Variants in TRAPPC9 observed in about 807,000 individuals in gnomAD.
TRAPPC9 encodes trafficking protein particle complex subunit 9.
TRAPPC9 carries 83 observed loss-of-function variants against 124.0 expected under a neutral mutation model. The observed-to-expected ratio is 0.67, with a 90% CI of 0.56 to 0.80. The LOEUF (loss-of-function observed/expected upper bound fraction) is 0.80, where lower values mean the gene tolerates loss of function less well. Among genes scored for constraint, TRAPPC9 ranks in the 30% least tolerant of loss-of-function variants. TRAPPC9 has a pLI of 0.00. For missense variants in TRAPPC9, 1,302 were observed against 1,508.3 expected (o/e 0.86, Z 2.27); for synonymous variants, 638 against 617.5 (o/e 1.03, Z -0.49).
At chr8:139,974,312 A>C (rs879937746) in intron 19 of TRAPPC9, among the ~76,000 whole-genome samples, 2 of 152,220 alleles carry the variant, frequency 1.3e-5, no homozygotes, top group African/African-American at 2.4e-5. Context: ...GTGGATGTAC[A>C]GTCTCCCAGG....
intron 9 of TRAPPC9, among the ~76,000 whole-genome samples, chr8:140,350,901 A>G (rs76559556): frequency 1.3e-5 from 2 of 151,982 alleles, no homozygotes; most frequent in African/African-American, 4.8e-5. Context: ...TTTGCAATTT[A>G]AACAGTAACT....
At chr8:140,181,015 C>T (rs562053428) in intron 17 of TRAPPC9, among the ~76,000 whole-genome samples, 2 of 152,184 alleles carry the variant, frequency 1.3e-5, no homozygotes, top group African/African-American at 4.8e-5. Flanking sequence ...GTTGCCATCT[C>T]TTTGAATATT....
chr8:140,025,229 G>A (rs569992516), intron 17 of TRAPPC9, among the ~76,000 whole-genome samples: 1 of 152,330 alleles, frequency 6.6e-6, no homozygotes, highest in African/African-American at 2.4e-5. Context: ...CCTCCGGACT[G>A]AAGGACCCTG....
At chr8:140,243,582 G>A (rs1481565502) in intron 16 of TRAPPC9, among the ~76,000 whole-genome samples, 1 of 152,140 alleles carries the variant, frequency 6.6e-6, no homozygotes, top group Admixed American at 6.5e-5. Flanking sequence ...GATAAAATGG[G>A]CACTACTCAC....
At chr8:139,940,894 G>T (rs1321732344) in intron 19 of TRAPPC9, among the ~76,000 whole-genome samples, 1 of 152,246 alleles carries the variant, frequency 6.6e-6, no homozygotes, top group Non-Finnish European at 1.5e-5. Context: ...GGGTGAAGGG[G>T]AGCTGGGGAA....
intron 8 of TRAPPC9, among the ~76,000 whole-genome samples, chr8:140,370,178 C>T (rs768970089): frequency 2.0e-5 from 3 of 150,926 alleles, no homozygotes; most frequent in Non-Finnish European, 3.0e-5. Context: ...CTTTCTCTGT[C>T]GCCCAGGCTG....
chr8:140,295,562 C>A (rs2065782305), intron 11 of TRAPPC9, among the ~76,000 whole-genome samples: 2 of 152,218 alleles, frequency 1.3e-5, no homozygotes, highest in African/African-American at 4.8e-5. Flanking sequence ...CACACTCAAG[C>A]TGAGGCCAGT....
intron 9 of TRAPPC9, among the ~76,000 whole-genome samples, chr8:140,332,904 G>C (rs369173684): frequency 6.6e-5 from 10 of 152,268 alleles, no homozygotes; most frequent in African/African-American, 2.4e-4. Flanking sequence ...GGGAGGCCAG[G>C]TGGGAGGATC....
At chr8:140,361,569 CTATTAA>C (rs1588216103) in intron 8 of TRAPPC9, among the ~76,000 whole-genome samples, 2 of 152,216 alleles carry the variant, frequency 1.3e-5, no homozygotes, top group Non-Finnish European at 2.9e-5. Context: ...ATGCTAGTTG[CTATTAA>C]TATTATTATT....
At chr8:140,172,871 A>G (rs543216093) in intron 17 of TRAPPC9, among the ~76,000 whole-genome samples, 42 of 152,332 alleles carry the variant, frequency 2.8e-4, no homozygotes, top group African/African-American at 9.4e-4. Flanking sequence ...CCAAGTGCTC[A>G]GGTCCAATTA....
intron 21 of TRAPPC9, among the ~76,000 whole-genome samples, chr8:139,766,665 C>T (rs1563798268): frequency 6.6e-6 from 1 of 152,182 alleles, no homozygotes; most frequent in African/African-American, 2.4e-5. Context: ...GACTCAGCAG[C>T]CCTTCCATGC....
At chr8:139,967,203 G>A (rs890965739) in intron 19 of TRAPPC9, among the ~76,000 whole-genome samples, 1 of 152,148 alleles carries the variant, frequency 6.6e-6, no homozygotes, top group Non-Finnish European at 1.5e-5. Context: ...GAATGCTCAT[G>A]AGCAATTCTT....
intron 11 of TRAPPC9, among the ~76,000 whole-genome samples, chr8:140,298,382 G>C (rs1399594983): frequency 6.6e-6 from 1 of 152,228 alleles, no homozygotes; most frequent in Non-Finnish European, 1.5e-5. Context: ...GCTGGACGCA[G>C]AGGTCCCCAC....
intron 17 of TRAPPC9, among the ~76,000 whole-genome samples, chr8:140,038,493 TG>T (rs1339341585): frequency 6.6e-6 from 1 of 152,196 alleles, no homozygotes; most frequent in African/African-American, 2.4e-5. Flanking sequence ...ACAGCACATC[TG>T]GAAAATACCT....
At chr8:140,048,378 TACTA>T (rs1841757663) in intron 17 of TRAPPC9, among the ~76,000 whole-genome samples, 2 of 152,092 alleles carry the variant, frequency 1.3e-5, no homozygotes, top group African/African-American at 4.8e-5. Context: ...AAGAAACAAA[TACTA>T]ACTCTTTAAG....
intron 19 of TRAPPC9, among the ~76,000 whole-genome samples, chr8:139,967,241 G>A (rs1728180815): frequency 6.6e-6 from 1 of 152,150 alleles, no homozygotes; most frequent in East Asian, 1.9e-4. Context: ...TTTTCCCTCT[G>A]CCATACTCCC....
At chr8:140,437,013 G>A (rs942851089) in intron 3 of TRAPPC9, among the ~76,000 whole-genome samples, 1 of 152,036 alleles carries the variant, frequency 6.6e-6, no homozygotes, top group African/African-American at 2.4e-5. Flanking sequence ...GCTCAGGATG[G>A]AGTGCAGTGG....
chr8:140,179,568 T>C (rs1173890473), intron 17 of TRAPPC9, among the ~76,000 whole-genome samples: 1 of 152,136 alleles, frequency 6.6e-6, no homozygotes, highest in Non-Finnish European at 1.5e-5. Context: ...TTAAGCAATC[T>C]AGAAATGTGA....
chr8:140,456,889 TC>T lies in TRAPPC9; in HGVS notation c.-11+749del, dbSNP rs1349982294. On this transcript the variant is annotated intron_variant, in intron 1 of 22. Coordinates refer to ENST00000438773, the MANE Select transcript of TRAPPC9 (RefSeq NM_001160372.4). Reference sequence around the variant, plus strand: ...AACGCATCCTAACACGGGAAAACTTTCGGTTAACAGACATTCACGTTGGGAA... The same window carrying T: ...AACGCATCCTAACACGGGAAAACTTTGGTTAACAGACATTCACGTTGGGAA... 147 of 967,460 alleles carry T rather than the reference TC, an allele frequency of 1.5e-4. No homozygotes were observed. In the African/African-American group the frequency reaches 2.5e-3, roughly 17 times the overall value. 59.9% of individuals were successfully genotyped at this position (967,460 alleles called of 1,614,324 possible).
Sources: allele counts gnomAD v4.1 joint callset (sites outside exome capture counted in the v4.1 genomes callset), GRCh38; gene constraint gnomAD v4.1.1; transcripts MANE v1.5; gene names NCBI Gene and HGNC (gene_info 2026-07-23, HGNC 2026-07-21).